NEBL: variants seen among roughly 807,000 people sequenced by gnomAD.
NEBL encodes nebulette.
In NEBL, 122 loss-of-function variants were observed where a neutral mutation model predicts 140.2. The ratio of observed to expected loss-of-function variants is 0.87; its 90% CI spans 0.75 to 1.01. The LOEUF is 1.01. NEBL is among the 50% of genes least tolerant of loss of function. NEBL has a pLI of 0.00. For synonymous variants in NEBL, 436 were observed against 398.9 expected (o/e 1.09, Z -1.11); for missense variants, 1,365 against 1,231.3 (o/e 1.11, Z -1.62).
intron 11 of NEBL, among the ~76,000 whole-genome samples, chr10:20,849,215 C>T (rs186280813): frequency 3.3e-5 from 5 of 151,958 alleles, no homozygotes; most frequent in East Asian, 1.9e-4. Flanking sequence ...GGAAAACACA[C>T]ACACATACAC....
chr10:21,162,700 G>A (rs940770882), intron 2 of NEBL, among the ~76,000 whole-genome samples: 13 of 152,166 alleles, frequency 8.5e-5, no homozygotes, highest in South Asian at 2.1e-4. Flanking sequence ...AGACAAACAC[G>A]ACCATCATAC....
intron 3 of NEBL, among the ~76,000 whole-genome samples, chr10:20,991,848 A>AC (rs747888655): frequency 3.6e-5 from 5 of 140,356 alleles, no homozygotes; most frequent in Non-Finnish European, 7.5e-5. Flanking sequence ...GCTCCCACTT[A>AC]CAGATGAGAA....
intron 2 of NEBL, among the ~76,000 whole-genome samples, chr10:21,027,576 C>T (rs984124367): frequency 6.6e-6 from 1 of 152,120 alleles, no homozygotes; most frequent in Admixed American, 6.5e-5. Flanking sequence ...GTGGTCCAAT[C>T]AATTCAGCCT....
At chr10:20,987,778 T>C (rs955850900) in intron 3 of NEBL, among the ~76,000 whole-genome samples, 1 of 152,190 alleles carries the variant, frequency 6.6e-6, no homozygotes, top group Admixed American at 6.5e-5. Context: ...AAGGAGATTT[T>C]CCAGGGCTCC....
At chr10:21,147,372 T>C (rs934247526) in intron 2 of NEBL, among the ~76,000 whole-genome samples, 2 of 147,652 alleles carry the variant, frequency 1.4e-5, no homozygotes, top group African/African-American at 4.9e-5. Context: ...TCTGGAATTC[T>C]TCTCTGACCC....
chr10:21,072,874 C>G (rs1195987977), intron 2 of NEBL, among the ~76,000 whole-genome samples: 3 of 152,162 alleles, frequency 2.0e-5, no homozygotes, highest in Non-Finnish European at 4.4e-5. Flanking sequence ...ACCTGCAATC[C>G]TAGCTACTTG....
At chr10:21,131,292 G>C (rs957548284) in intron 2 of NEBL, among the ~76,000 whole-genome samples, 1 of 152,234 alleles carries the variant, frequency 6.6e-6, no homozygotes, top group South Asian at 2.1e-4. Flanking sequence ...TTAGTTCACT[G>C]GTGAAGTCTA....
intron 3 of NEBL, among the ~76,000 whole-genome samples, chr10:21,013,493 G>A (rs745351652): frequency 5.3e-5 from 8 of 152,170 alleles, no homozygotes; most frequent in Non-Finnish European, 1.0e-4. Flanking sequence ...AGCATAAAAG[G>A]CTTCTTGTCC....
intron 3 of NEBL, among the ~76,000 whole-genome samples, chr10:20,888,437 T>C (rs751016993): frequency 7.2e-5 from 11 of 152,362 alleles, no homozygotes; most frequent in South Asian, 2.1e-4. Flanking sequence ...AAGGACATAA[T>C]GGCTTTCTAT....
chr10:21,075,789 A>G (rs1836042079), intron 2 of NEBL, among the ~76,000 whole-genome samples: 1 of 152,208 alleles, frequency 6.6e-6, no homozygotes. Flanking sequence ...CACATATCTA[A>G]TAAGGGATTG....
At chr10:21,161,032 AC>A (rs147745538) in intron 2 of NEBL, among the ~76,000 whole-genome samples, 1,836 of 152,208 alleles carry the variant, frequency 0.012, 37 homozygotes, top group African/African-American at 0.041. Context: ...CATGTCAGTG[AC>A]CCGTAATCCA....
intron 2 of NEBL, among the ~76,000 whole-genome samples, chr10:21,022,999 C>T (rs929737340): frequency 6.6e-6 from 1 of 152,142 alleles, no homozygotes; most frequent in African/African-American, 2.4e-5. Flanking sequence ...ATGTTCCAGA[C>T]AATAGACAGA....
chr10:21,063,768 G>A (rs1244289535), intron 2 of NEBL, among the ~76,000 whole-genome samples: 2 of 152,176 alleles, frequency 1.3e-5, no homozygotes, highest in Non-Finnish European at 2.9e-5. Context: ...TACTTGGGAA[G>A]CTGAGGAAGG....
intron 2 of NEBL, among the ~76,000 whole-genome samples, chr10:21,101,620 T>C (rs1837480717): frequency 6.6e-6 from 1 of 152,210 alleles, no homozygotes. Flanking sequence ...TTCCACCTTG[T>C]TTAAGCCACT....
intron 1 of NEBL, among the ~76,000 whole-genome samples, chr10:21,258,795 C>G (rs543348713): frequency 1.3e-5 from 2 of 152,272 alleles, no homozygotes; most frequent in South Asian, 4.1e-4. Flanking sequence ...AGGAGAATTA[C>G]TTGAACTCAG....
chr10:20,933,188 T>C (rs1210918713), intron 4 of NEBL, among the ~76,000 whole-genome samples: 3 of 152,208 alleles, frequency 2.0e-5, no homozygotes, highest in Non-Finnish European at 2.9e-5. Context: ...TGGTTCACCA[T>C]TTGCATCAGT....
At chr10:21,008,778 GTA>G (rs1372799094) in intron 3 of NEBL, among the ~76,000 whole-genome samples, 9 of 152,136 alleles carry the variant, frequency 5.9e-5, no homozygotes, top group Admixed American at 5.9e-4. Context: ...GGAAACAACA[GTA>G]TTTATAAGGT....
Position 20,896,946 on chromosome 10 carries a change from C to T in NEBL, c.153+12G>A. ...AATGCAAAATAAGACAAAAATTACT[C>T]CAGCCACTTACATCGCTAATGAGTT... On this transcript the variant is annotated intron_variant, in intron 2 of 27. Transcript: ENST00000377122. 1 of 1,612,370 alleles carries T rather than the reference C, an allele frequency of 6.2e-7. No individual in the cohort carries two copies. Among genetic ancestry groups the T allele is most frequent in the South Asian group, 1.1e-5 (1 of 91,026 alleles).
intron 2 of NEBL, among the ~76,000 whole-genome samples, chr10:21,119,513 A>G (rs1175653448): frequency 6.9e-6 from 1 of 144,740 alleles, no homozygotes; most frequent in Non-Finnish European, 1.5e-5. Flanking sequence ...ATATAGTTAT[A>G]TTGAGTAATA....
Sources: gnomAD v4.1 joint callset for allele counts (sites outside exome capture counted in the v4.1 genomes callset) on GRCh38, gnomAD v4.1.1 for gene constraint, MANE v1.5 for transcripts, NCBI Gene and HGNC (gene_info 2026-07-23, HGNC 2026-07-21) for gene names.